The following HOOK1 variants were observed in gnomAD, a reference collection of about 807,000 sequenced individuals.
HOOK1 encodes hook microtubule tethering protein 1, also known as protein Hook homolog 1.
A neutral mutation model predicts 112.8 loss-of-function variants in HOOK1; 60 were observed. That is an observed-to-expected ratio of 0.53 (90% confidence interval 0.43 to 0.66). The LOEUF (loss-of-function observed/expected upper bound fraction) is 0.66, where lower values mean the gene tolerates loss of function less well. Ranked by LOEUF, HOOK1 falls within the 30% of genes least tolerant of loss-of-function variation. The pLI is 0.00. For synonymous variants in HOOK1, 294 were observed against 283.8 expected (o/e 1.04, Z -0.36); for missense variants, 770 against 856.0 (o/e 0.90, Z 1.25).
intron 18 of HOOK1, among the ~76,000 whole-genome samples, chr1:59,865,633 A>G (rs1382722653): frequency 6.6e-6 from 1 of 152,122 alleles, no homozygotes; most frequent in African/African-American, 2.4e-5. Flanking sequence ...AAAAAGAACT[A>G]AATAAAGCAG....
intron 8 of HOOK1, among the ~76,000 whole-genome samples, chr1:59,843,204 A>G (rs1330840346): frequency 6.7e-6 from 1 of 150,080 alleles, no homozygotes; most frequent in African/African-American, 2.5e-5. Flanking sequence ...AGATATAGTT[A>G]CTCTATTTTC....
At chr1:59,834,672 G>A (rs2102022593) in intron 5 of HOOK1, among the ~76,000 whole-genome samples, 1 of 151,902 alleles carries the variant, frequency 6.6e-6, no homozygotes, top group African/African-American at 2.4e-5. Flanking sequence ...TTGTAATCGT[G>A]ATTATTTTTA....
Position 59,872,880 on chromosome 1 carries a change from C to T in HOOK1, c.2102C>T (p.Ala701Val), listed in dbSNP as rs1247025111. ...AGTGACACTGGTGCGTGCACTCCTG[C>T]GCGGTCTTTCTTAGCGCAGCAACGG... The part of the protein sequence containing the change: ...ACSDTGACTP[A>V]RSFLAQQRHI... Residue 701 changes from alanine (A) to valine (V), a missense_variant, in exon 22 of 22, where the codon GCG becomes GTG. Around this residue, in one of 3 missense-constraint regions of HOOK1, gnomAD observed 111 missense variants for 111.8 expected, o/e 0.99. Coordinates refer to ENST00000371208, the MANE Select transcript of HOOK1 (RefSeq NM_015888.6). The T allele has an allele frequency of 1.8e-5, 28 of 1,529,024 alleles. No homozygotes were observed. Among genetic ancestry groups the T allele is most frequent in the Admixed American group, 4.0e-5 (2 of 49,984 alleles). 94.7% of individuals were successfully genotyped at this position (1,529,024 alleles called of 1,614,324 possible).
intron 7 of HOOK1, among the ~76,000 whole-genome samples, chr1:59,838,922 C>T (rs2098399479): frequency 6.6e-6 from 1 of 152,114 alleles, no homozygotes; most frequent in Non-Finnish European, 1.5e-5. Context: ...ATATGGCTAG[C>T]CAGTTTTCCC....
Position 59,858,443 on chromosome 1 carries a change from C to T in HOOK1, c.1258C>T (p.Arg420Cys), listed in dbSNP as rs762378621. ...LKEKERLIEQ[R>C]DTLKETNEEL... is the part of the protein sequence containing the mutation. ...TTCTTTTCAGAGACTAATTGAGCAG[C>T]GTGATACTTTGAAAGAAACAAATGA... The change falls in exon 13 of 22, where the codon CGT (arginine) becomes TGT (cysteine). Residue 420 changes from arginine to cysteine, a missense_variant. Coordinates refer to ENST00000371208, the MANE Select transcript of HOOK1 (RefSeq NM_015888.6). The T allele has an allele frequency of 2.2e-5, 35 of 1,609,806 alleles. No homozygotes were observed. In the East Asian group the frequency reaches 2.2e-4, roughly 10 times the overall value.
chr1:59,835,660 C>A (rs1236721079), intron 6 of HOOK1, among the ~76,000 whole-genome samples: 1 of 152,034 alleles, frequency 6.6e-6, no homozygotes, highest in Non-Finnish European at 1.5e-5. Flanking sequence ...ATCAGTGGTC[C>A]TCAACCTTTT....
chr1:59,816,964 T>C (rs1031064943), intron 1 of HOOK1, among the ~76,000 whole-genome samples: 6 of 152,158 alleles, frequency 3.9e-5, no homozygotes, highest in African/African-American at 1.4e-4. Context: ...TAGCAAACCT[T>C]TATCAGTATT....
rs371258002 is a variant in HOOK1, at chr1:59,859,498, GC to G, written c.1391+454del. On this transcript the variant is annotated intron_variant, in intron 14 of 21. Transcript: ENST00000371208. ...AGTAATTTAAAAAATAGCCATATGA[GC>G]TTTTTTTTTAAGAGTTATACTATTG... 4.7e-4 allele frequency among the ~76,000 whole-genome samples: 71 copies of G among 151,940 alleles called. 1 individual carries two copies. The East Asian group carries it at 0.013, about 29-fold the overall frequency.
chr1:59,872,585 G>A lies in HOOK1; in HGVS notation c.2017-210G>A, dbSNP rs192728962. On this transcript the variant is annotated intron_variant, in intron 21 of 21. Coordinates refer to ENST00000371208, the MANE Select transcript of HOOK1 (RefSeq NM_015888.6). ...ACTGTTTTAAATAATTTTAAATTTA[G>A]TGATTAAATAGAGAAAATGGATTTT... Among the ~76,000 whole-genome samples, 724 of 152,152 alleles carry A rather than the reference G, an allele frequency of 4.8e-3. 4 individuals are homozygous for A. The highest frequency in any genetic ancestry group is 0.016 in the African/African-American group (675 of 41,510).
At chr1:59,862,702 T>C in intron 15 of HOOK1, 82 bp from the exon 16 acceptor site, 1 of 758,778 alleles carries the variant, frequency 1.3e-6, no homozygotes, top group South Asian at 1.8e-5. Flanking sequence ...TTACTTAAAT[T>C]GCTAACTGAA....
intron 20 of HOOK1, among the ~76,000 whole-genome samples, chr1:59,869,879 C>T (rs557589877): frequency 2.0e-5 from 3 of 152,324 alleles, no homozygotes; most frequent in Non-Finnish European, 4.4e-5. Flanking sequence ...CACACTGAGT[C>T]CATGTACTTC....
At chr1:59,868,946 T>C (rs534714734) in intron 20 of HOOK1, among the ~76,000 whole-genome samples, 1 of 152,352 alleles carries the variant, frequency 6.6e-6, no homozygotes, top group South Asian at 2.1e-4. Flanking sequence ...TTAGTGGTTA[T>C]ATTATTTTTA....
At chr1:59,858,311 C>G (rs560689455) in intron 12 of HOOK1, 117 bp from the exon 13 acceptor site, 1 of 707,204 alleles carries the variant, frequency 1.4e-6, no homozygotes, top group South Asian at 1.7e-5. Context: ...AAAACTAAAA[C>G]ATTGTCACTT....
intron 16 of HOOK1, among the ~76,000 whole-genome samples, chr1:59,863,300 A>G (rs2098414580): frequency 1.3e-5 from 2 of 152,152 alleles, no homozygotes; most frequent in Admixed American, 1.3e-4. Flanking sequence ...TCTAATAGGA[A>G]AAGAGAGAAT....
At chr1:59,869,734 A>G (rs946979152) in intron 20 of HOOK1, among the ~76,000 whole-genome samples, 1 of 152,160 alleles carries the variant, frequency 6.6e-6, no homozygotes, top group Non-Finnish European at 1.5e-5. Flanking sequence ...TGTCCAGGCT[A>G]TGTTGTGTGT....
chr1:59,860,369 T>C lies in HOOK1; in HGVS notation c.1532+41T>C, dbSNP rs771627630. 3 of 1,487,442 alleles carry C rather than the reference T, an allele frequency of 2.0e-6. No homozygotes were observed. The South Asian group carries it at 4.1e-5, about 20-fold the overall frequency. 92.1% of individuals were successfully genotyped at this position (1,487,442 alleles called of 1,614,324 possible). ...GTAACTGAAAATCTTGGTGATTTTA[T>C]TACCGAGCCATAAAATCTTGATTCA... On this transcript the variant is annotated intron_variant, in intron 15 of 21. Coordinates refer to ENST00000371208, the MANE Select transcript of HOOK1 (RefSeq NM_015888.6).
chr1:59,848,241 C>T, intron 10 of HOOK1, 74 bp from the exon 11 acceptor site: 2 of 1,029,028 alleles, frequency 1.9e-6, no homozygotes, highest in Non-Finnish European at 2.9e-6. Flanking sequence ...TTGGAAGATT[C>T]ATTTTATAGC....
intron 1 of HOOK1, among the ~76,000 whole-genome samples, chr1:59,818,549 G>A (rs1477913265): frequency 6.6e-6 from 1 of 152,172 alleles, no homozygotes; most frequent in Non-Finnish European, 1.5e-5. Context: ...TTGAAGAAAT[G>A]TTTGTATAAA....
intron 9 of HOOK1, among the ~76,000 whole-genome samples, chr1:59,845,065 A>G (rs1408604049): frequency 6.6e-6 from 1 of 151,946 alleles, no homozygotes; most frequent in Non-Finnish European, 1.5e-5. Flanking sequence ...TTTATGAACA[A>G]ATCTACCACT....
Sources: gnomAD v4.1 joint callset for allele counts (sites outside exome capture counted in the v4.1 genomes callset) on GRCh38, gnomAD v4.1.1 for gene constraint, gnomAD v4.1.1 regional missense constraint, MANE v1.5 for transcripts, NCBI Gene and HGNC (gene_info 2026-07-23, HGNC 2026-07-21) for gene names.